Variants in SBF2 observed in about 807,000 individuals in gnomAD.
The protein encoded by SBF2 is myotubularin-related protein 13.
A neutral mutation model predicts 225.2 loss-of-function variants in SBF2; 112 were observed. The observed-to-expected ratio is 0.50, with a 90% confidence interval of 0.43 to 0.58. The LOEUF (loss-of-function observed/expected upper bound fraction) is 0.58, where lower values mean the gene tolerates loss of function less well. SBF2 is among the 20% of genes least tolerant of loss of function. The pLI is 0.00. For missense variants in SBF2, 1,996 were observed against 2,206.2 expected, an observed-to-expected ratio of 0.90 and a Z score of 1.91; for synonymous variants, 763 against 773.3, an observed-to-expected ratio of 0.99 and a Z score of 0.22.
Position 9,968,535 on chromosome 11 carries a change from T to C in SBF2, c.1406A>G (p.Asn469Ser). 6.2e-7 allele frequency: 1 copy of C among 1,613,644 alleles called. No homozygotes were observed. Among genetic ancestry groups the C allele is most frequent in the South Asian group, 1.1e-5 (1 of 91,064 alleles). The change falls in exon 14 of 40, where the codon AAT (asparagine) becomes AGT (serine). Residue 469 changes from asparagine to serine, a missense_variant. Transcript: ENST00000256190. ...AACTTTCTGGAATGCCATATGAGGA[T>C]TTGGATTCTCCTGTAATATCAGACA... is the stretch of plus-strand genomic sequence containing the variant. ...AEQLFKNENP[N>S]PHMAFQKVPR...
At chr11:9,830,770 C>T (rs796299333) in intron 27 of SBF2, among the ~76,000 whole-genome samples, 3 of 137,530 alleles carry the variant, frequency 2.2e-5, no homozygotes, top group African/African-American at 8.4e-5. Context: ...AAAAACAAAA[C>T]AAAACAAAAA....
upstream of SBF2, chr11:10,294,277 C>T (rs961417039): frequency 2.6e-6 from 1 of 377,752 alleles, no homozygotes; most frequent in Non-Finnish European, 4.6e-6. Flanking sequence ...GCTGGCTCGG[C>T]TGCCCCAAGC....
At chr11:10,223,402 TATATATATATATATATATA>T (rs1565371238) in intron 1 of SBF2, among the ~76,000 whole-genome samples, 14 of 58,388 alleles carry the variant, frequency 2.4e-4, no homozygotes, top group Admixed American at 5.1e-4. Context: ...TTGCACATTA[TATATATATATATATATATA>T]TATATATATA....
chr11:10,133,646 G>A (rs565135892), intron 2 of SBF2, among the ~76,000 whole-genome samples: 21 of 149,594 alleles, frequency 1.4e-4, no homozygotes, highest in South Asian at 8.6e-4. Context: ...CAGCTGGCCC[G>A]CAAGTGCCGC....
intron 26 of SBF2, chr11:9,838,869 A>AG (rs1203705771): frequency 8.4e-5 from 13 of 154,586 alleles, no homozygotes; most frequent in Non-Finnish European, 1.4e-4. Flanking sequence ...ATATTTGAAA[A>AG]ACAGTGAGAG....
intron 16 of SBF2, among the ~76,000 whole-genome samples, chr11:9,913,078 G>A (rs769449443): frequency 6.6e-6 from 1 of 152,134 alleles, no homozygotes; most frequent in Non-Finnish European, 1.5e-5. Context: ...GAGCCCAGGA[G>A]TTCAAGACCA....
At chr11:9,861,414 A>G (rs1857728732) in intron 17 of SBF2, among the ~76,000 whole-genome samples, 3 of 152,196 alleles carry the variant, frequency 2.0e-5, no homozygotes, top group Admixed American at 2.0e-4. Context: ...CTGTAATCCA[A>G]GCACTTTGGG....
At chr11:9,966,525 T>G (rs1295988678) in intron 14 of SBF2, among the ~76,000 whole-genome samples, 2 of 152,084 alleles carry the variant, frequency 1.3e-5, no homozygotes, top group African/African-American at 2.4e-5. Flanking sequence ...CAGGAAAAAC[T>G]GAAAAATAGG....
At chr11:9,913,032 AC>A (rs2134193597) in intron 16 of SBF2, among the ~76,000 whole-genome samples, 1 of 152,266 alleles carries the variant, frequency 6.6e-6, no homozygotes, top group East Asian at 1.9e-4. Context: ...CACACCCGTA[AC>A]CCCATTTTGG....
intron 14 of SBF2, among the ~76,000 whole-genome samples, chr11:9,968,004 A>G (rs1867078509): frequency 6.7e-6 from 1 of 148,560 alleles, no homozygotes; most frequent in Non-Finnish European, 1.5e-5. Context: ...ATATATATAT[A>G]TTCTCAAATT....
intron 16 of SBF2, among the ~76,000 whole-genome samples, chr11:9,936,410 C>T (rs1261339807): frequency 2.0e-5 from 3 of 152,164 alleles, no homozygotes; most frequent in Admixed American, 6.5e-5. Context: ...CCTCAAGGAT[C>T]TAGAACTGGA....
chr11:9,963,204 C>G lies in SBF2; in HGVS notation c.1710+569G>C, dbSNP rs569084410. On this transcript the variant is annotated intron_variant, in intron 15 of 39. Transcript: ENST00000256190. ...TTTTGGCCAAGCATGTTGGCTCATA[C>G]ATGTAATCCCAGCACTTTGGGAGGC... 3.8e-3 allele frequency among the ~76,000 whole-genome samples: 579 copies of G among 152,308 alleles called. 4 individuals are homozygous for G. Among genetic ancestry groups the G allele is most frequent in the South Asian group, 5.4e-3 (26 of 4,822 alleles).
intron 1 of SBF2, among the ~76,000 whole-genome samples, chr11:10,246,121 G>A (rs1466561674): frequency 6.6e-5 from 10 of 152,076 alleles, no homozygotes; most frequent in African/African-American, 2.2e-4. Context: ...TAGATCTTAC[G>A]TTGTGTTCTT....
chr11:9,861,672 A>G lies in SBF2; in HGVS notation c.1930-3276T>C, dbSNP rs376773976. ...GAGTGAGACTCCATCTCAAAAAAAA[A>G]AAAAAAAAAAATGTTTCTTGAAACA... On this transcript the variant is annotated intron_variant, in intron 17 of 39. Coordinates refer to ENST00000256190, the MANE Select transcript of SBF2 (RefSeq NM_030962.4). 6.6e-5 allele frequency among the ~76,000 whole-genome samples: 10 copies of G among 151,714 alleles called. No homozygotes were observed. The East Asian group carries it at 1.9e-3, about 29-fold the overall frequency.
At chr11:10,243,492 AGAGAC>A (rs1959440152) in intron 1 of SBF2, among the ~76,000 whole-genome samples, 1 of 151,864 alleles carries the variant, frequency 6.6e-6, no homozygotes, top group Non-Finnish European at 1.5e-5. Flanking sequence ...TAAATGAGAA[AGAGAC>A]GAGAAAAAAA....
At position 10,197,669 on chromosome 11, in the gene SBF2, A is replaced by C. The variant is rs556804249; in HGVS notation, c.56-3682T>G. The stretch of plus-strand genomic sequence containing the variant: ...CACAAAAAATTTATCCATAGCATGC[A>C]ATGCTGTTTGATGTTATTTTACCCA... On this transcript the variant is annotated intron_variant, in intron 1 of 39. Transcript: ENST00000256190. 1.9e-3 allele frequency among the ~76,000 whole-genome samples: 292 copies of C among 152,306 alleles called. 1 individual carries two copies. The highest frequency in any genetic ancestry group is 3.6e-3 in the Non-Finnish European group (245 of 68,008).
At chr11:9,918,305 T>A (rs1863284880) in intron 16 of SBF2, among the ~76,000 whole-genome samples, 1 of 151,976 alleles carries the variant, frequency 6.6e-6, no homozygotes. Context: ...CCCCCCATCC[T>A]CCTATTTTTA....
At chr11:9,900,029 CTTTT>C (rs72178587) in intron 16 of SBF2, among the ~76,000 whole-genome samples, 2,929 of 133,256 alleles carry the variant, frequency 0.022, 41 homozygotes, top group Non-Finnish European at 0.026. Flanking sequence ...TCCTTTTCTT[CTTTT>C]TTTTTTTTTT....
At chr11:9,921,333 G>T (rs537404760) in intron 16 of SBF2, among the ~76,000 whole-genome samples, 21 of 152,264 alleles carry the variant, frequency 1.4e-4, no homozygotes, top group African/African-American at 4.8e-4. Context: ...GCCTCCCAAA[G>T]TGCTGGGATT....
Sources: gnomAD v4.1 joint callset for allele counts (sites outside exome capture counted in the v4.1 genomes callset) on GRCh38, gnomAD v4.1.1 for gene constraint, MANE v1.5 for transcripts, NCBI Gene and HGNC (gene_info 2026-07-23, HGNC 2026-07-21) for gene names.